The following MACF1 variants were observed in gnomAD, a reference collection of about 807,000 sequenced individuals.
MACF1 encodes microtubule actin crosslinking factor 1.
In MACF1, 193 loss-of-function variants were observed where a neutral mutation model predicts 854.8. The ratio of observed to expected loss-of-function variants is 0.23; its 90% CI spans 0.20 to 0.25. MACF1 has a LOEUF of 0.25. MACF1 is among the 10% of genes least tolerant of loss of function. The pLI, the probability that MACF1 is intolerant of heterozygous loss-of-function variation, is 1.00. For synonymous variants in MACF1, 3,185 were observed against 3,226.7 expected (o/e 0.99, Z 0.44); for missense variants, 7,722 against 8,929.1 (o/e 0.86, Z 5.45).
intron 2 of MACF1, among the ~76,000 whole-genome samples, chr1:39,167,538 C>G (rs1200661953): frequency 6.6e-6 from 1 of 151,906 alleles, no homozygotes; most frequent in Non-Finnish European, 1.5e-5. Context: ...GAAAACTTGT[C>G]TCTACTAAAA....
chr1:39,143,581 AT>A (rs768167333), intron 2 of MACF1, among the ~76,000 whole-genome samples: 15 of 152,060 alleles, frequency 9.9e-5, no homozygotes, highest in Non-Finnish European at 2.1e-4. Context: ...GAGGTTACTT[AT>A]GTTATTTGCA....
intron 2 of MACF1, among the ~76,000 whole-genome samples, chr1:39,235,887 A>T (rs1360432633): frequency 6.6e-6 from 1 of 152,142 alleles, no homozygotes; most frequent in African/African-American, 2.4e-5. Flanking sequence ...GGCACATGCC[A>T]CTGTGCCTGG....
intron 23 of MACF1, among the ~76,000 whole-genome samples, chr1:39,307,122 G>A (rs967311111): frequency 4.0e-5 from 6 of 151,760 alleles, no homozygotes; most frequent in South Asian, 2.1e-4. Context: ...TAGTCTGCCC[G>A]CCTCGGCCTT....
chr1:39,337,354 C>T, intron 38 of MACF1, 23 bp downstream of exon 38: 1 of 1,609,552 alleles, frequency 6.2e-7, no homozygotes, highest in Non-Finnish European at 8.5e-7. Flanking sequence ...AGACTTCCAC[C>T]ACAGACACCA....
At chr1:39,126,389 C>A (rs893513974) in intron 2 of MACF1, among the ~76,000 whole-genome samples, 21 of 152,176 alleles carry the variant, frequency 1.4e-4, no homozygotes, top group Admixed American at 1.3e-3. Context: ...TTCGAATGAC[C>A]TCATCTTAAG....
At chr1:39,410,737 G>A (rs184230293) in intron 58 of MACF1, 52 of 1,613,980 alleles carry the variant, frequency 3.2e-5, no homozygotes, top group Non-Finnish European at 4.2e-5. Context: ...GGTTTCAGAA[G>A]CTGGTGCTTC....
intron 6 of MACF1, among the ~76,000 whole-genome samples, chr1:39,270,186 C>T (rs912846110): frequency 4.6e-5 from 7 of 152,194 alleles, no homozygotes; most frequent in Non-Finnish European, 1.0e-4. Context: ...GAGTGATATT[C>T]TTACTAGAGC....
chr1:39,242,317 G>A (rs956486789), intron 2 of MACF1, among the ~76,000 whole-genome samples: 2 of 149,870 alleles, frequency 1.3e-5, no homozygotes, highest in East Asian at 3.9e-4. Context: ...ACCACTGCAC[G>A]CCAGCCTGAG....
chr1:39,407,864 TC>T (rs2148605197), intron 58 of MACF1, among the ~76,000 whole-genome samples: 1 of 152,344 alleles, frequency 6.6e-6, no homozygotes, highest in African/African-American at 2.4e-5. Flanking sequence ...GATGTTTTTT[TC>T]CTTCATAAAA....
At chr1:39,412,923 T>A in intron 58 of MACF1, 1 of 1,606,132 alleles carries the variant, frequency 6.2e-7, no homozygotes, top group Non-Finnish European at 8.5e-7. Context: ...TCCTAGTTGC[T>A]TCAATAGTCT....
chr1:39,177,929 A>G (rs1248295135), intron 2 of MACF1, among the ~76,000 whole-genome samples: 1 of 152,176 alleles, frequency 6.6e-6, no homozygotes, highest in African/African-American at 2.4e-5. Context: ...TTGAATAAGT[A>G]AAATGGCAAT....
chr1:39,294,948 T>C (rs1645869744), intron 18 of MACF1, 98 bp from the exon 19 acceptor site: 2 of 827,442 alleles, frequency 2.4e-6, no homozygotes, highest in African/African-American at 1.7e-5. Flanking sequence ...AATTCTATAT[T>C]GTAGGTTCCT....
rs11435818 is a variant in MACF1, at chr1:39,166,071, A to ATT, written c.221-65097_221-65096dup. ...GTGGGGAGACTGTAGAGGGCACTAG[A>ATT]TTTTTTTTTTTTTTTGAGATGGAGT... On this transcript the variant is annotated intron_variant, in intron 2 of 93. Coordinates refer to the MACF1 transcript ENST00000361689. Among the ~76,000 whole-genome samples the ATT allele has an allele frequency of 3.6e-3, 513 of 144,210 alleles. 4 individuals are homozygous for ATT. The highest frequency in any genetic ancestry group is 6.9e-3 in the African/African-American group (271 of 39,228). The allele number at this position is 144,210 out of a possible 152,430, so 94.6% of individuals were successfully genotyped here.
intron 2 of MACF1, among the ~76,000 whole-genome samples, chr1:39,125,882 A>G (rs1443633462): frequency 3.3e-5 from 5 of 152,194 alleles, no homozygotes; most frequent in African/African-American, 1.2e-4. Flanking sequence ...AATCCCAGCT[A>G]CTTGGAAGGC....
chr1:39,286,050 G>A (rs977431502), intron 14 of MACF1, among the ~76,000 whole-genome samples: 9 of 152,038 alleles, frequency 5.9e-5, no homozygotes, highest in Admixed American at 2.6e-4. Flanking sequence ...TCTCACTTTC[G>A]TTGCCCAGGC....
At chr1:39,181,618 A>G (rs1644106188) in intron 2 of MACF1, among the ~76,000 whole-genome samples, 1 of 152,226 alleles carries the variant, frequency 6.6e-6, no homozygotes, top group Non-Finnish European at 1.5e-5. Flanking sequence ...TTGAAAAAGA[A>G]CAAAATTGGA....
intron 80 of MACF1, 73 bp downstream of exon 80, chr1:39,444,908 T>C: frequency 2.9e-6 from 4 of 1,400,314 alleles, no homozygotes; most frequent in Non-Finnish European, 3.9e-6. Context: ...ATCTTATTTA[T>C]ATGAAGATTT....
intron 2 of MACF1, among the ~76,000 whole-genome samples, chr1:39,141,184 G>T (rs1011756307): frequency 6.6e-6 from 1 of 152,110 alleles, no homozygotes; most frequent in African/African-American, 2.4e-5. Flanking sequence ...CCTCCTGAAT[G>T]CCTGTCTGTC....
intron 2 of MACF1, among the ~76,000 whole-genome samples, chr1:39,196,067 C>T (rs1002639312): frequency 5.3e-5 from 8 of 152,198 alleles, no homozygotes; most frequent in Non-Finnish European, 1.2e-4. Flanking sequence ...CACATTAACT[C>T]ATTCATCCTT....
Sources: gnomAD v4.1 joint callset for allele counts (sites outside exome capture counted in the v4.1 genomes callset) on GRCh38, gnomAD v4.1.1 for gene constraint, MANE v1.5 for transcripts, NCBI Gene and HGNC (gene_info 2026-07-23, HGNC 2026-07-21) for gene names.